GRID2: variants seen among roughly 807,000 people sequenced by gnomAD.
GRID2 encodes the protein glutamate receptor ionotropic, delta-2.
In GRID2, 33 loss-of-function variants were observed where a neutral mutation model predicts 114.8. The observed-to-expected ratio is 0.29, with a 90% CI of 0.22 to 0.38. GRID2 has a LOEUF of 0.38. Ranked by LOEUF, GRID2 falls within the 10% of genes least tolerant of loss-of-function variation. The pLI is 1.00. For synonymous variants in GRID2, 505 were observed against 449.9 expected, an observed-to-expected ratio of 1.12 and a Z score of -1.55; for missense variants, 1,184 against 1,257.7, an observed-to-expected ratio of 0.94 and a Z score of 0.89.
intron 1 of GRID2, among the ~76,000 whole-genome samples, chr4:92,571,663 C>A (rs534787705): frequency 6.6e-6 from 1 of 151,854 alleles, no homozygotes; most frequent in Non-Finnish European, 1.5e-5. Flanking sequence ...TGTAAAAGAA[C>A]AGAAATTATA....
intron 2 of GRID2, among the ~76,000 whole-genome samples, chr4:92,664,174 T>C (rs1732655935): frequency 6.6e-6 from 1 of 151,222 alleles, no homozygotes; most frequent in Non-Finnish European, 1.5e-5. Context: ...ATTTCAGTTA[T>C]TATACTTCCC....
At chr4:93,471,898 C>T (rs965921081) in intron 11 of GRID2, among the ~76,000 whole-genome samples, 9 of 148,856 alleles carry the variant, frequency 6.0e-5, no homozygotes, top group Non-Finnish European at 1.3e-4. Flanking sequence ...CGGGGTTTCC[C>T]CATGTTGGTC....
At chr4:92,518,597 A>C (rs1279690722) in intron 1 of GRID2, among the ~76,000 whole-genome samples, 3 of 151,726 alleles carry the variant, frequency 2.0e-5, no homozygotes, top group Admixed American at 2.0e-4. Flanking sequence ...TCAGTTTTGC[A>C]AGATAGAAAA....
chr4:93,311,583 A>G (rs1446736900), intron 8 of GRID2, among the ~76,000 whole-genome samples: 1 of 152,248 alleles, frequency 6.6e-6, no homozygotes, highest in Non-Finnish European at 1.5e-5. Context: ...AATTGGCTGT[A>G]CTGGTTACTG....
chr4:93,055,573 G>A (rs1727150749), intron 2 of GRID2, among the ~76,000 whole-genome samples: 1 of 151,716 alleles, frequency 6.6e-6, no homozygotes, highest in Admixed American at 6.6e-5. Flanking sequence ...AAATTGGATA[G>A]CCTACCAAAT....
intron 14 of GRID2, among the ~76,000 whole-genome samples, chr4:93,630,673 T>C (rs1743161955): frequency 6.6e-6 from 1 of 152,212 alleles, no homozygotes; most frequent in South Asian, 2.1e-4. Context: ...TTCATGATAG[T>C]GACACATATA....
chr4:92,665,450 A>T (rs1169549447), intron 2 of GRID2, among the ~76,000 whole-genome samples: 2 of 151,280 alleles, frequency 1.3e-5, no homozygotes, highest in African/African-American at 4.8e-5. Context: ...TGGAAACAAT[A>T]TGTATAGTTA....
At chr4:92,655,083 G>C (rs190518251) in intron 2 of GRID2, among the ~76,000 whole-genome samples, 70 of 151,908 alleles carry the variant, frequency 4.6e-4, no homozygotes, top group African/African-American at 1.5e-3. Context: ...TGAGAAATAG[G>C]GGTCCAGTCT....
At chr4:92,629,188 A>G (rs1167924323) in intron 2 of GRID2, among the ~76,000 whole-genome samples, 1 of 152,080 alleles carries the variant, frequency 6.6e-6, no homozygotes, top group African/African-American at 2.4e-5. Context: ...AGTGTACTTT[A>G]TCAACCCATT....
rs974477564 is a variant in GRID2 at position 92,934,575 on chromosome 4, G to A, written c.245-150420G>A. Among the ~76,000 whole-genome samples, 7 of 146,198 alleles carry A rather than the reference G, an allele frequency of 4.8e-5. 1 individual carries two copies. Among genetic ancestry groups the A allele is most frequent in the East Asian group, 2.2e-4 (1 of 4,576 alleles). ...ATGGAACCAAAAAAGAGCCTGCATC[G>A]CCAAGTCAATCCTAAGCCAAAAGAA... On this transcript the variant is annotated intron_variant, in intron 2 of 15. Transcript: ENST00000282020.
intron 4 of GRID2, among the ~76,000 whole-genome samples, chr4:93,138,092 C>T (rs1380456018): frequency 2.7e-5 from 4 of 149,270 alleles, no homozygotes; most frequent in Non-Finnish European, 3.0e-5. Flanking sequence ...CTTACCTGAG[C>T]CCCCCAAGTA....
chr4:93,448,806 C>T (rs1329297736), intron 10 of GRID2, among the ~76,000 whole-genome samples: 1 of 10,998 alleles, frequency 9.1e-5, no homozygotes, highest in Middle Eastern at 0.045. Flanking sequence ...CTTCCCTTCC[C>T]TTCCCTTCCC....
chr4:92,934,047 A>C (rs1387757613), intron 2 of GRID2, among the ~76,000 whole-genome samples: 1 of 151,786 alleles, frequency 6.6e-6, no homozygotes, highest in African/African-American at 2.4e-5. Context: ...TAATATCTCT[A>C]AAGAATGAGT....
intron 1 of GRID2, among the ~76,000 whole-genome samples, chr4:92,543,105 A>C (rs920913073): frequency 6.6e-6 from 1 of 152,126 alleles, no homozygotes; most frequent in Non-Finnish European, 1.5e-5. Flanking sequence ...AAAGGAAGAG[A>C]GATGAATTTT....
At chr4:92,644,104 T>TA (rs975452016) in intron 2 of GRID2, among the ~76,000 whole-genome samples, 17 of 151,620 alleles carry the variant, frequency 1.1e-4, no homozygotes, top group Admixed American at 4.0e-4. Context: ...GTGTTGCTTA[T>TA]AAAAAAAGGG....
Position 93,591,306 on chromosome 4 carries a change from G to A in GRID2, c.2194-34963G>A, listed in dbSNP as rs530323529. Among the ~76,000 whole-genome samples, 889 of 151,966 alleles carry A rather than the reference G, an allele frequency of 5.8e-3. 7 individuals are homozygous for A. Among genetic ancestry groups the A allele is most frequent in the Middle Eastern group, 0.01 (3 of 294 alleles). Reference sequence around the variant, plus strand: ...GTCAAAGGCCTTTTCTGCATCTATTGATATAATCATGTGGTTTTTGTCTTT... The same window carrying A: ...GTCAAAGGCCTTTTCTGCATCTATTAATATAATCATGTGGTTTTTGTCTTT... On this transcript the variant is annotated intron_variant, in intron 13 of 15. Transcript: ENST00000282020.
intron 2 of GRID2, among the ~76,000 whole-genome samples, chr4:92,854,553 ATGTGTGTGTGTG>A (rs3077718): frequency 1.4e-5 from 2 of 147,620 alleles, no homozygotes; most frequent in African/African-American, 4.9e-5. Context: ...GTGAGTGAGG[ATGTGTGTGTGTG>A]TGTGTGTGTG....
chr4:93,159,332 T>C (rs1191625407), intron 4 of GRID2, among the ~76,000 whole-genome samples: 2 of 151,842 alleles, frequency 1.3e-5, no homozygotes, highest in African/African-American at 4.8e-5. Flanking sequence ...GGACTATCTG[T>C]AGAAGCTAAG....
intron 2 of GRID2, among the ~76,000 whole-genome samples, chr4:92,909,256 GT>G (rs1050899973): frequency 9.4e-5 from 14 of 149,148 alleles, no homozygotes; most frequent in East Asian, 2.0e-4. Flanking sequence ...AATAAAGTTA[GT>G]TTTTTTCTTT....
Sources: allele counts gnomAD v4.1 joint callset (sites outside exome capture counted in the v4.1 genomes callset), GRCh38; gene constraint gnomAD v4.1.1; transcripts MANE v1.5; gene names NCBI Gene and HGNC (gene_info 2026-07-23, HGNC 2026-07-21).